Variants in SLIT2 observed in about 807,000 individuals in gnomAD.
SLIT2 encodes slit guidance ligand 2.
Under a neutral mutation model 185.7 loss-of-function variants are expected in SLIT2, and 41 were observed. The observed-to-expected ratio is 0.22, with a 90% confidence interval of 0.17 to 0.29. The LOEUF (loss-of-function observed/expected upper bound fraction) is 0.29. Among genes scored for constraint, SLIT2 ranks in the 10% least tolerant of loss-of-function variants. The pLI is 1.00. For missense variants in SLIT2, 1,571 were observed against 1,909.0 expected, an observed-to-expected ratio of 0.82 and a Z score of 3.30; for synonymous variants, 693 against 680.2, an observed-to-expected ratio of 1.02 and a Z score of -0.29.
intron 2 of SLIT2, 60 bp downstream of exon 2, chr4:20,256,803 C>G (rs934040884): frequency 6.3e-6 from 5 of 788,942 alleles, no homozygotes; most frequent in Admixed American, 2.4e-5. Context: ...TGAATCATTA[C>G]TGGCCTCAGT....
rs1026744418 is a variant in SLIT2, at chr4:20,619,176, A to G, written c.*167A>G. On this transcript the variant is annotated 3_prime_UTR_variant, in exon 37 of 37. Transcript: ENST00000504154. ...TTTTTTCTGCATTTGGAAAAAAAAA[A>G]AAAGAAATGCTTGAACTAAAGCTTC... 1.3e-5 allele frequency: 9 copies of G among 680,206 alleles called. No homozygotes were observed. Among genetic ancestry groups the G allele is most frequent in the East Asian group, 2.9e-5 (1 of 33,904 alleles). 42.1% of individuals were successfully genotyped at this position (680,206 alleles called of 1,614,324 possible).
rs949410676 is a variant in SLIT2 at position 20,618,647 on chromosome 4, T to C, written c.4349-121T>C. 3.0e-6 allele frequency: 3 copies of C among 993,680 alleles called. No individual in the cohort carries two copies. In the African/African-American group the frequency reaches 4.8e-5, roughly 16 times the overall value. 61.6% of individuals were successfully genotyped at this position (993,680 alleles called of 1,614,324 possible). On this transcript the variant is annotated intron_variant, in intron 36 of 36. Coordinates refer to ENST00000504154, the MANE Select transcript of SLIT2 (RefSeq NM_004787.4). ...AGGAGGCCGTGCCACCAGCTAATAA[T>C]ATGTAAAGCAAGTTACAAAGGGGAA... is the stretch of plus-strand genomic sequence containing the variant.
intron 4 of SLIT2, among the ~76,000 whole-genome samples, chr4:20,377,583 A>G (rs1724131306): frequency 6.6e-6 from 1 of 152,172 alleles, no homozygotes. Flanking sequence ...TGGCAGTCCC[A>G]TCATAAACTT....
At chr4:20,534,765 T>C (rs1722119300) in intron 18 of SLIT2, among the ~76,000 whole-genome samples, 1 of 152,068 alleles carries the variant, frequency 6.6e-6, no homozygotes, top group African/African-American at 2.4e-5. Flanking sequence ...CTTTATCAGA[T>C]ACGGAGGGAG....
chr4:20,459,863 A>ATTTTT (rs200920585), intron 4 of SLIT2, among the ~76,000 whole-genome samples: 2 of 138,900 alleles, frequency 1.4e-5, no homozygotes, highest in Non-Finnish European at 3.1e-5. Flanking sequence ...CATGTTTGGA[A>ATTTTT]TTTTTTTTTT....
At chr4:20,495,210 G>A (rs957741327) in intron 9 of SLIT2, among the ~76,000 whole-genome samples, 2 of 152,328 alleles carry the variant, frequency 1.3e-5, no homozygotes. Context: ...TAGTTTGGCT[G>A]AGAAAGGATT....
At chr4:20,554,030 GAC>G in intron 26 of SLIT2, 62 bp downstream of exon 26, 3 of 1,334,780 alleles carry the variant, frequency 2.2e-6, no homozygotes, top group Non-Finnish European at 3.1e-6. Flanking sequence ...AAAAGAAAAA[GAC>G]AACCAATTGT....
At chr4:20,502,625 G>A (rs1338222306) in intron 9 of SLIT2, among the ~76,000 whole-genome samples, 2 of 152,180 alleles carry the variant, frequency 1.3e-5, no homozygotes, top group Non-Finnish European at 2.9e-5. Context: ...GAGAACTTGA[G>A]GGCTTTTTTA....
At chr4:20,498,129 C>T (rs754765799) in intron 9 of SLIT2, among the ~76,000 whole-genome samples, 1 of 152,034 alleles carries the variant, frequency 6.6e-6, no homozygotes, top group Non-Finnish European at 1.5e-5. Context: ...GCCGAGATGG[C>T]GCCACTGGAC....
intron 33 of SLIT2, among the ~76,000 whole-genome samples, chr4:20,608,994 T>C (rs1391901068): frequency 6.6e-6 from 1 of 152,194 alleles, no homozygotes; most frequent in Non-Finnish European, 1.5e-5. Flanking sequence ...ATGTTTTTCC[T>C]GTATAGGGAA....
intron 29 of SLIT2, among the ~76,000 whole-genome samples, chr4:20,586,411 CTA>C (rs1727069007): frequency 6.6e-6 from 1 of 152,096 alleles, no homozygotes; most frequent in South Asian, 2.1e-4. Context: ...CTTTTAATGA[CTA>C]TTATTTGAGT....
At chr4:20,542,812 CTGTGTGTG>C (rs753747459) in intron 21 of SLIT2, among the ~76,000 whole-genome samples, 186 bp downstream of exon 21, 17 of 110,988 alleles carry the variant, frequency 1.5e-4, no homozygotes, top group African/African-American at 5.2e-4. Context: ...TTGGGAATTG[CTGTGTGTG>C]TGTGTGTGTG....
rs1250204334 is a variant in SLIT2, at chr4:20,373,016, A to G, written c.396-94736A>G. Reference sequence around the variant, plus strand: ...TCATTACCTACTCAGTTATTTAGAAATCATAGGAGTTAGATGCTAAATGTC... The same window carrying G: ...TCATTACCTACTCAGTTATTTAGAAGTCATAGGAGTTAGATGCTAAATGTC... On this transcript the variant is annotated intron_variant, in intron 4 of 36. Transcript: ENST00000504154. 2.6e-5 allele frequency among the ~76,000 whole-genome samples: 4 copies of G among 152,244 alleles called. No homozygotes were observed. The East Asian group carries it at 7.7e-4, about 29-fold the overall frequency.
chr4:20,583,932 C>T (rs1482184972), intron 29 of SLIT2, among the ~76,000 whole-genome samples: 2 of 152,052 alleles, frequency 1.3e-5, no homozygotes, highest in Non-Finnish European at 2.9e-5. Context: ...CATCAAAGTG[C>T]ATTGAGGTTT....
Position 20,254,580 on chromosome 4 carries a change from C to G in SLIT2, c.179+586C>G, listed in dbSNP as rs1711568344. Among the ~76,000 whole-genome samples, 1 of 152,146 alleles carries G rather than the reference C, an allele frequency of 6.6e-6. No individual in the cohort carries two copies. The highest frequency in any genetic ancestry group is 1.5e-5 in the Non-Finnish European group (1 of 68,022). ...AGGGTGCCCCAGGACGGCGACACCT[C>G]GCATAGTAGCCTCGCGCAGCCCCCC... On this transcript the variant is annotated intron_variant, in intron 1 of 36. Transcript: ENST00000504154. The surrounding 1 kb of genome is among the most constrained non-coding windows in gnomAD (Gnocchi z 5.1).
At position 20,313,484 on chromosome 4, in the gene SLIT2, C is replaced by T. The variant is rs1718298139; in HGVS notation, c.395+44603C>T. On this transcript the variant is annotated intron_variant, in intron 4 of 36. Transcript: ENST00000504154. ...AGCTCCCACTAGGTCCCACCTCCCA[C>T]ACTGGAGGTCACATTTCAATGTGAG... Among the ~76,000 whole-genome samples, 5 of 152,200 alleles carry T rather than the reference C, an allele frequency of 3.3e-5. No homozygotes were observed. The South Asian group carries it at 1.0e-3, about 31-fold the overall frequency.
chr4:20,502,101 ATAACT>A (rs1330240730), intron 9 of SLIT2, among the ~76,000 whole-genome samples: 1 of 152,228 alleles, frequency 6.6e-6, no homozygotes, highest in Non-Finnish European at 1.5e-5. Flanking sequence ...AAATCGTGTG[ATAACT>A]TAAGCAGAAA....
chr4:20,528,447 A>AAAAAAGAG lies in SLIT2; in HGVS notation c.1463-501_1463-494dup, dbSNP rs113326692. The AAAAAAGAG allele has an allele frequency of 6.5e-3, 3,018 of 467,202 alleles. 89 individuals carry two copies. The highest frequency in any genetic ancestry group is 0.055 in the African/African-American group (2,738 of 49,864). 28.9% of individuals were successfully genotyped at this position (467,202 alleles called of 1,614,324 possible). On this transcript the variant is annotated intron_variant, in intron 15 of 36. Transcript: ENST00000504154. This position sits in a 1 kb window ranked among gnomAD's most constrained non-coding sequence, Gnocchi z 4.2. Reference sequence around the variant, plus strand: ...TGTCTCTTTCTACAAAATCAAAATGAAAAAAGAGGGCTTTTTAGGCATCTC... The same window carrying AAAAAAGAG: ...TGTCTCTTTCTACAAAATCAAAATGAAAAAAGAGAAAAAGAGGGCTTTTTAGGCATCTC...
At chr4:20,499,391 T>G (rs546708134) in intron 9 of SLIT2, among the ~76,000 whole-genome samples, 2 of 152,354 alleles carry the variant, frequency 1.3e-5, no homozygotes, top group East Asian at 3.9e-4. Flanking sequence ...TTGCTTGCTA[T>G]TTCTGCATTT....
Sources: gnomAD v4.1 joint callset for allele counts (sites outside exome capture counted in the v4.1 genomes callset) on GRCh38, gnomAD v4.1.1 for gene constraint, Gnocchi (gnomAD v3.1) non-coding constraint, MANE v1.5 for transcripts, NCBI Gene and HGNC (gene_info 2026-07-23, HGNC 2026-07-21) for gene names.